Variants in BBX observed in about 807,000 individuals in gnomAD.
The protein encoded by BBX is BBX high mobility group box domain containing.
BBX carries 30 observed loss-of-function variants against 100.2 expected under a neutral mutation model. The ratio of observed to expected loss-of-function variants is 0.30; its 90% CI spans 0.22 to 0.41. BBX has a LOEUF of 0.41. Among genes scored for constraint, BBX ranks in the 10% least tolerant of loss-of-function variants. BBX has a pLI of 1.00. For missense variants in BBX, 1,023 were observed against 1,129.8 expected (o/e 0.91, Z 1.35); for synonymous variants, 376 against 388.1 (o/e 0.97, Z 0.37).
chr3:107,659,939 G>A (rs2107850255), intron 3 of BBX, among the ~76,000 whole-genome samples: 1 of 152,202 alleles, frequency 6.6e-6, no homozygotes, highest in Middle Eastern at 3.4e-3. Flanking sequence ...CTATGTAATA[G>A]CTCTGTCTTA....
intron 2 of BBX, among the ~76,000 whole-genome samples, chr3:107,543,266 G>A (rs1697689): frequency 0.11 from 16,285 of 152,152 alleles, 988 homozygotes; most frequent in Non-Finnish European, 0.12. Context: ...TAGGACCCAG[G>A]CCATTTGAGT....
chr3:107,752,234 T>C (rs971830449), intron 9 of BBX, among the ~76,000 whole-genome samples: 3 of 152,198 alleles, frequency 2.0e-5, no homozygotes, highest in Non-Finnish European at 2.9e-5. Flanking sequence ...TAAAATATTG[T>C]CACCATTGGA....
intron 3 of BBX, among the ~76,000 whole-genome samples, chr3:107,706,973 T>C (rs990591932): frequency 1.4e-4 from 21 of 152,330 alleles, no homozygotes; most frequent in African/African-American, 4.8e-4. Flanking sequence ...TTGCCTTCTT[T>C]CAATAATTTG....
In BBX at chr3:107,811,258, C is replaced by G. The variant is rs1029721607; in HGVS notation, c.*5801C>G. 8 of 151,962 alleles carry G rather than the reference C, an allele frequency of 5.3e-5. No homozygotes were observed. The highest frequency in any genetic ancestry group is 1.7e-4 in the African/African-American group (7 of 41,348). The allele number at this position is 151,962 out of a possible 1,614,324, so 9.4% of individuals were successfully genotyped here. A position where few individuals can be genotyped will look rare whatever the true frequency, so the allele number is the denominator to read the frequency against. ...CACACTACTGGCCGTAGAGTATGTGCCTTTAATGTACCATTTTCACTAAAA... is the reference window on the plus strand; with the variant it reads ...CACACTACTGGCCGTAGAGTATGTGGCTTTAATGTACCATTTTCACTAAAA... On this transcript the variant is annotated 3_prime_UTR_variant, in exon 18 of 18. Coordinates refer to ENST00000325805, the MANE Select transcript of BBX (RefSeq NM_001142568.3).
At chr3:107,634,976 C>A (rs2107741942) in intron 2 of BBX, among the ~76,000 whole-genome samples, 1 of 152,206 alleles carries the variant, frequency 6.6e-6, no homozygotes, top group Admixed American at 6.5e-5. Context: ...TCATGTGTGA[C>A]CATATCACAT....
At chr3:107,683,305 A>G (rs2059665728) in intron 3 of BBX, among the ~76,000 whole-genome samples, 1 of 152,134 alleles carries the variant, frequency 6.6e-6, no homozygotes, top group African/African-American at 2.4e-5. Context: ...GGTGGGATTC[A>G]AGGTGTGATG....
chr3:107,711,017 G>A (rs1418299132), intron 4 of BBX, among the ~76,000 whole-genome samples: 1 of 152,158 alleles, frequency 6.6e-6, no homozygotes, highest in Non-Finnish European at 1.5e-5. Flanking sequence ...TGCTCTCTTT[G>A]TCTCTATCCG....
At chr3:107,675,273 T>C (rs1195720483) in intron 3 of BBX, among the ~76,000 whole-genome samples, 1 of 152,138 alleles carries the variant, frequency 6.6e-6, no homozygotes, top group Non-Finnish European at 1.5e-5. Flanking sequence ...AGAGCTTTTC[T>C]TCTCAGATAC....
At position 107,774,670 on chromosome 3, in the gene BBX, C is replaced by T. The variant is rs1182097048; in HGVS notation, c.1916-49C>T. ...TCGTGAAGCAACTAACATCATCTCCCCTCGCCCACCTGTATACCAAACACA... is the reference window on the plus strand; with the variant it reads ...TCGTGAAGCAACTAACATCATCTCCTCTCGCCCACCTGTATACCAAACACA... On this transcript the variant is annotated intron_variant, in intron 11 of 17. Coordinates refer to ENST00000325805, the MANE Select transcript of BBX (RefSeq NM_001142568.3). The T allele has an allele frequency of 3.2e-6, 5 of 1,583,926 alleles. No homozygotes were observed. The South Asian group carries it at 5.8e-5, about 18-fold the overall frequency.
chr3:107,726,752 G>C (rs1000293717), intron 5 of BBX, among the ~76,000 whole-genome samples: 1 of 152,038 alleles, frequency 6.6e-6, no homozygotes, highest in African/African-American at 2.4e-5. Context: ...ATGTATTTAT[G>C]TAGTAAACTG....
At chr3:107,539,902 T>C (rs1219655613) in intron 2 of BBX, among the ~76,000 whole-genome samples, 1 of 152,184 alleles carries the variant, frequency 6.6e-6, no homozygotes, top group African/African-American at 2.4e-5. Flanking sequence ...GGACTTTGTT[T>C]TGTTCACTGC....
intron 3 of BBX, among the ~76,000 whole-genome samples, chr3:107,673,585 CA>C (rs1453795879): frequency 6.6e-6 from 1 of 152,008 alleles, no homozygotes; most frequent in Non-Finnish European, 1.5e-5. Flanking sequence ...CTAAGACTCT[CA>C]AAGAATGAAA....
At chr3:107,552,263 G>A (rs1187217690) in intron 2 of BBX, among the ~76,000 whole-genome samples, 1 of 147,384 alleles carries the variant, frequency 6.8e-6, no homozygotes, top group Non-Finnish European at 1.5e-5. Flanking sequence ...AGAATCACTT[G>A]AGCCCAGGAG....
chr3:107,550,962 A>C (rs1371958238), intron 2 of BBX, among the ~76,000 whole-genome samples: 2 of 152,204 alleles, frequency 1.3e-5, no homozygotes, highest in Non-Finnish European at 2.9e-5. Flanking sequence ...TTGCTATAGG[A>C]ACTCTTTTTG....
intron 2 of BBX, among the ~76,000 whole-genome samples, chr3:107,587,896 A>G (rs902957362): frequency 6.6e-6 from 1 of 152,146 alleles, no homozygotes; most frequent in Non-Finnish European, 1.5e-5. Context: ...TGAAGTACCT[A>G]TTATGTGCCA....
chr3:107,753,792 G>A (rs1323564182), intron 9 of BBX, among the ~76,000 whole-genome samples: 1 of 152,174 alleles, frequency 6.6e-6, no homozygotes. Context: ...TCTTGAGCAT[G>A]TCATGGGATT....
chr3:107,525,803 G>C (rs1239673542), intron 1 of BBX, among the ~76,000 whole-genome samples: 1 of 152,138 alleles, frequency 6.6e-6, no homozygotes, highest in Non-Finnish European at 1.5e-5. Context: ...ATTGTGACCC[G>C]GGCTGGGTGT....
At chr3:107,603,430 G>A (rs1272296422) in intron 2 of BBX, among the ~76,000 whole-genome samples, 2 of 152,018 alleles carry the variant, frequency 1.3e-5, no homozygotes, top group African/African-American at 2.4e-5. Context: ...CCAGGCTGGA[G>A]TGCAGTGGTG....
chr3:107,763,523 C>T (rs748701896), intron 10 of BBX, among the ~76,000 whole-genome samples: 7 of 152,162 alleles, frequency 4.6e-5, no homozygotes, highest in Non-Finnish European at 7.4e-5. Flanking sequence ...TTTATTTTAT[C>T]TTTAAAGCGA....
Sources: allele counts gnomAD v4.1 joint callset (sites outside exome capture counted in the v4.1 genomes callset), GRCh38; gene constraint gnomAD v4.1.1; transcripts MANE v1.5; gene names NCBI Gene and HGNC (gene_info 2026-07-23, HGNC 2026-07-21).